The following DLEU7 variants were observed in gnomAD, a reference collection of about 807,000 sequenced individuals.
The protein encoded by DLEU7 is deleted in lymphocytic leukemia 7, also known as leukemia-associated protein 7.
A neutral mutation model predicts 16.0 loss-of-function variants in DLEU7; 17 were observed. The observed-to-expected ratio is 1.06, with a 90% CI of 0.73 to 1.59. DLEU7 has a LOEUF of 1.59. Ranked by LOEUF, DLEU7 falls within the 40% of genes most tolerant of loss-of-function variation. The pLI is 0.00. For missense variants in DLEU7, 308 were observed against 314.9 expected, an observed-to-expected ratio of 0.98 and a Z score of 0.17; for synonymous variants, 113 against 139.8, an observed-to-expected ratio of 0.81 and a Z score of 1.35.
At chr13:50,778,866 T>C (rs143932162) in intron 1 of DLEU7, among the ~76,000 whole-genome samples, 4 of 152,366 alleles carry the variant, frequency 2.6e-5, no homozygotes, top group African/African-American at 9.6e-5. Context: ...GATTTATGTG[T>C]TTAATAAGTT....
chr13:50,781,812 G>C (rs926589051), intron 1 of DLEU7, among the ~76,000 whole-genome samples: 1 of 152,096 alleles, frequency 6.6e-6, no homozygotes, highest in African/African-American at 2.4e-5. Flanking sequence ...AAATTCTACT[G>C]AATTGTTTTA....
intron 1 of DLEU7, among the ~76,000 whole-genome samples, chr13:50,804,805 G>T (rs1182933512): frequency 6.6e-6 from 1 of 151,940 alleles, no homozygotes; most frequent in Non-Finnish European, 1.5e-5. Flanking sequence ...ATTTTCTAGT[G>T]ATATTGCTAT....
chr13:50,783,873 C>T (rs918993552), intron 1 of DLEU7, among the ~76,000 whole-genome samples: 3 of 152,170 alleles, frequency 2.0e-5, no homozygotes, highest in African/African-American at 7.2e-5. Context: ...GCCCATACCA[C>T]GCCCAAAGGA....
chr13:50,778,746 G>C (rs1875572004), intron 1 of DLEU7, among the ~76,000 whole-genome samples: 1 of 152,092 alleles, frequency 6.6e-6, no homozygotes, highest in Admixed American at 6.5e-5. Flanking sequence ...ACAAAACCCT[G>C]TCTGGGCAAA....
At chr13:50,731,167 C>A (rs1260452769) in intron 1 of DLEU7, among the ~76,000 whole-genome samples, 1 of 152,176 alleles carries the variant, frequency 6.6e-6, no homozygotes, top group Admixed American at 6.5e-5. Flanking sequence ...ACCAAGTAAC[C>A]AATGGGAAAC....
chr13:50,758,888 C>T (rs889779789), intron 1 of DLEU7, among the ~76,000 whole-genome samples: 20 of 152,344 alleles, frequency 1.3e-4, no homozygotes, highest in Admixed American at 1.3e-4. Flanking sequence ...AAGTGAGTCA[C>T]TATGTCCAGC....
intron 1 of DLEU7, among the ~76,000 whole-genome samples, chr13:50,716,450 A>C (rs1185215730): frequency 6.6e-6 from 1 of 152,254 alleles, no homozygotes; most frequent in Admixed American, 6.5e-5. Context: ...GACACTATAC[A>C]GAAAGAGTAC....
chr13:50,722,696 C>T (rs971703834), intron 1 of DLEU7, among the ~76,000 whole-genome samples: 4 of 152,198 alleles, frequency 2.6e-5, no homozygotes, highest in African/African-American at 4.8e-5. Context: ...ATTACTTTAG[C>T]GTTTCAGAAC....
chr13:50,814,004 TG>T (rs1876647425), intron 1 of DLEU7, among the ~76,000 whole-genome samples: 1 of 152,170 alleles, frequency 6.6e-6, no homozygotes, highest in Non-Finnish European at 1.5e-5. Context: ...ACGTTCATTC[TG>T]TCAGACCAAG....
chr13:50,841,640 G>A (rs1226549326), intron 1 of DLEU7, among the ~76,000 whole-genome samples: 1 of 151,778 alleles, frequency 6.6e-6, no homozygotes, highest in South Asian at 2.1e-4. Flanking sequence ...TGAGGCAGGA[G>A]GATCACTTGA....
intron 1 of DLEU7, among the ~76,000 whole-genome samples, chr13:50,802,011 G>A (rs1876262332): frequency 6.6e-6 from 1 of 150,852 alleles, no homozygotes; most frequent in Non-Finnish European, 1.5e-5. Flanking sequence ...TTGGATCAGT[G>A]CCACTAAAGG....
chr13:50,753,704 C>A (rs1185254253), intron 1 of DLEU7, among the ~76,000 whole-genome samples: 1 of 152,202 alleles, frequency 6.6e-6, no homozygotes, highest in Non-Finnish European at 1.5e-5. Context: ...CACCTCCCTG[C>A]AAGCTGAGGG....
intron 1 of DLEU7, among the ~76,000 whole-genome samples, chr13:50,791,440 C>G (rs921674149): frequency 6.6e-6 from 1 of 152,146 alleles, no homozygotes. Flanking sequence ...TGGTGGCCTT[C>G]TGGGTCTGGG....
chr13:50,812,862 A>G (rs756551403), intron 1 of DLEU7: 6 of 142,174 alleles, frequency 4.2e-5, no homozygotes, highest in Non-Finnish European at 7.8e-5. Context: ...TGAAAGTAGC[A>G]AAGACTGTAG....
chr13:50,731,733 T>G (rs964119668), intron 1 of DLEU7, among the ~76,000 whole-genome samples: 6 of 152,212 alleles, frequency 3.9e-5, no homozygotes, highest in Non-Finnish European at 8.8e-5. Context: ...TGTCTTTGTC[T>G]TTCTTCCTAA....
intron 1 of DLEU7, among the ~76,000 whole-genome samples, chr13:50,790,589 A>G (rs1323088269): frequency 6.6e-6 from 1 of 152,130 alleles, no homozygotes; most frequent in Non-Finnish European, 1.5e-5. Context: ...ACACTGGTGG[A>G]AAGGAGGCAT....
chr13:50,752,708 G>A (rs542421593), intron 1 of DLEU7, among the ~76,000 whole-genome samples: 150 of 152,116 alleles, frequency 9.9e-4, no homozygotes, highest in African/African-American at 3.3e-3. Flanking sequence ...TCGTGGTCTC[G>A]CTGGCTTCAG....
At chr13:50,818,950 A>G (rs770111913), downstream of DLEU7, among the ~76,000 whole-genome samples, 1 of 152,180 alleles carries the variant, frequency 6.6e-6, no homozygotes, top group Non-Finnish European at 1.5e-5. Context: ...CCCTAATGTA[A>G]TCACATCTGT....
intron 1 of DLEU7, among the ~76,000 whole-genome samples, chr13:50,784,622 A>G (rs913171902): frequency 6.6e-6 from 1 of 152,124 alleles, no homozygotes; most frequent in African/African-American, 2.4e-5. Flanking sequence ...TGTCCTGGAG[A>G]CACTCACAGA....
Sources: gnomAD v4.1 joint callset for allele counts (sites outside exome capture counted in the v4.1 genomes callset) on GRCh38, gnomAD v4.1.1 for gene constraint, MANE v1.5 for transcripts, NCBI Gene and HGNC (gene_info 2026-07-23, HGNC 2026-07-21) for gene names.